The following VPS13D variants were observed in gnomAD, a reference collection of about 807,000 sequenced individuals.
VPS13D encodes the protein vacuolar protein sorting 13 homolog D.
A neutral mutation model predicts 461.9 loss-of-function variants in VPS13D; 187 were observed. The observed-to-expected ratio is 0.40, with a 90% CI of 0.36 to 0.46. The LOEUF (loss-of-function observed/expected upper bound fraction) is 0.46. Ranked by LOEUF, VPS13D falls within the 20% of genes least tolerant of loss-of-function variation. The pLI is 0.60. For missense variants in VPS13D, 4,711 were observed against 5,364.9 expected, an observed-to-expected ratio of 0.88 and a Z score of 3.81; for synonymous variants, 1,951 against 1,986.3, an observed-to-expected ratio of 0.98 and a Z score of 0.47.
At position 12,403,959 on chromosome 1, in the gene VPS13D, C is replaced by T; in HGVS notation, c.12016C>T (p.Pro4006Ser). Residue 4006 changes from proline (P) to serine (S), a missense_variant, in exon 63 of 70, where the codon CCA becomes TCA. Pro to Ser is a moderately conservative substitution (Grantham distance 74). Transcript: ENST00000620676. ...AAGTGTGTTCACCTCCAACAAGCTC[C>T]CATTGGATCTTAAGGTGAGCTGCTA... ...KLSVFTSNKLPLDLKALKSTL... is the reference protein window; with the variant it reads ...KLSVFTSNKLSLDLKALKSTL... 1 of 1,596,342 alleles carries T rather than the reference C, an allele frequency of 6.3e-7. No individual in the cohort carries two copies. The highest frequency in any genetic ancestry group is 1.2e-5 in the South Asian group (1 of 86,378).
chr1:12,361,404 T>TTTTA lies in VPS13D; in HGVS notation c.10142-1313_10142-1312insATTT, dbSNP rs1553183527. On this transcript the variant is annotated intron_variant, in intron 50 of 69. Transcript: ENST00000620676. ...ATTTATTTATTTATTTATTTATTTA[T>TTTTA]TTTTTTTTTGAGACGGAGTCTCGCT... Among the ~76,000 whole-genome samples, 883 of 127,458 alleles carry TTTTA rather than the reference T, an allele frequency of 6.9e-3. 22 individuals carry two copies. Among genetic ancestry groups the TTTTA allele is most frequent in the African/African-American group, 0.028 (835 of 29,536 alleles). The allele number at this position is 127,458 out of a possible 152,430, so 83.6% of individuals were successfully genotyped here. A position where few individuals can be genotyped will look rare whatever the true frequency, so the allele number is the denominator to read the frequency against.
At chr1:12,479,365 G>A (rs1207797752) in intron 67 of VPS13D, among the ~76,000 whole-genome samples, 1 of 152,228 alleles carries the variant, frequency 6.6e-6, no homozygotes, top group Non-Finnish European at 1.5e-5. Flanking sequence ...GAAGAAATCT[G>A]TGTCTGTCAC....
intron 32 of VPS13D, among the ~76,000 whole-genome samples, chr1:12,319,962 A>G (rs964238953): frequency 6.6e-6 from 1 of 152,238 alleles, no homozygotes; most frequent in African/African-American, 2.4e-5. Context: ...GACCTCGTCC[A>G]TGAAGGTGAG....
intron 26 of VPS13D, among the ~76,000 whole-genome samples, chr1:12,305,411 A>T (rs925490333): frequency 6.6e-6 from 1 of 151,992 alleles, no homozygotes; most frequent in African/African-American, 2.4e-5. Flanking sequence ...AGTAGCTGGG[A>T]CTACAGGCAT....
chr1:12,349,768 G>C (rs1643756166), intron 46 of VPS13D, among the ~76,000 whole-genome samples: 1 of 152,134 alleles, frequency 6.6e-6, no homozygotes. Context: ...AAAATAATTT[G>C]AAGGTTTATG....
intron 47 of VPS13D, 69 bp downstream of exon 47, chr1:12,354,290 T>C: frequency 6.4e-7 from 1 of 1,566,600 alleles, no homozygotes; most frequent in Non-Finnish European, 8.7e-7. Context: ...TTGTGATTAT[T>C]TATTTGGTAA....
In VPS13D at chr1:12,395,574, T is replaced by C. The variant is rs183682928; in HGVS notation, c.11635-4607T>C. ...AGCAGATTTGAGGCTCAGTATCTGC[T>C]TCTGAAGCTGGGAGACAGAATCCCT... On this transcript the variant is annotated intron_variant, in intron 60 of 69. Transcript: ENST00000620676. 1.6e-3 allele frequency among the ~76,000 whole-genome samples: 249 copies of C among 152,322 alleles called. 4 individuals are homozygous for C. The highest frequency in any genetic ancestry group is 5.8e-3 in the African/African-American group (241 of 41,568).
chr1:12,448,929 G>T (rs1018636962), intron 65 of VPS13D, among the ~76,000 whole-genome samples: 7 of 152,188 alleles, frequency 4.6e-5, no homozygotes, highest in African/African-American at 1.7e-4. Flanking sequence ...TGTGTCTTGG[G>T]TTAGTTAAGA....
intron 37 of VPS13D, 129 bp downstream of exon 37, chr1:12,330,047 C>T (rs1014733532): frequency 1.4e-6 from 1 of 691,430 alleles, no homozygotes; most frequent in South Asian, 1.9e-5. Flanking sequence ...AGATGAAAAG[C>T]AAGTAGACTG....
At chr1:12,403,497 T>A (rs1644607254) in intron 62 of VPS13D, among the ~76,000 whole-genome samples, 1 of 152,248 alleles carries the variant, frequency 6.6e-6, no homozygotes, top group Non-Finnish European at 1.5e-5. Context: ...TCTGGGTCAT[T>A]GATAATAACA....
At chr1:12,453,698 G>A (rs995152469) in intron 65 of VPS13D, 1 of 152,138 alleles carries the variant, frequency 6.6e-6, no homozygotes, top group Non-Finnish European at 1.5e-5. Context: ...TTGTGTATAC[G>A]ATTGTTACCT....
chr1:12,386,725 C>T (rs1327981892), intron 60 of VPS13D, among the ~76,000 whole-genome samples: 1 of 152,170 alleles, frequency 6.6e-6, no homozygotes, highest in East Asian at 1.9e-4. Context: ...TTTACCCTCC[C>T]ACCTGAAACA....
chr1:12,326,295 T>TA (rs201731866), intron 35 of VPS13D, among the ~76,000 whole-genome samples: 14 of 149,672 alleles, frequency 9.4e-5, no homozygotes, highest in Admixed American at 8.7e-4. Flanking sequence ...TTTTTTTTTT[T>TA]AATTAAAGTT....
At chr1:12,260,562 C>A in intron 10 of VPS13D, 131 bp from the exon 11 acceptor site, 3 of 689,860 alleles carry the variant, frequency 4.3e-6, no homozygotes, top group South Asian at 1.8e-5. Context: ...TGTTTCTTGG[C>A]CTTCAGTGGA....
intron 65 of VPS13D, among the ~76,000 whole-genome samples, chr1:12,444,187 C>T (rs867763384): frequency 1.3e-5 from 2 of 152,116 alleles, no homozygotes; most frequent in Non-Finnish European, 2.9e-5. Context: ...GATATTTTTA[C>T]TATGTTTATT....
At position 12,283,407 on chromosome 1, in the gene VPS13D, G is replaced by A. The variant is rs770953065; in HGVS notation, c.5305G>A (p.Asp1769Asn). Reference protein sequence around the residue: ...PLTPPPSPTVDEPKILVGKSK... With the variant: ...PLTPPPSPTVNEPKILVGKSK... ...GACCCCACCTCCTTCTCCAACAGTG[G>A]ATGAGCCCAAGATACTTGTTGGAAA... is the stretch of plus-strand genomic sequence containing the variant. The change falls in exon 21 of 70, where the codon GAT (aspartate) becomes AAT (asparagine). Residue 1769 changes from aspartate (D) to asparagine (N), a missense_variant. Asp to Asn is a conservative substitution (Grantham distance 23, BLOSUM62 1). Coordinates refer to ENST00000620676, the MANE Select transcript of VPS13D (RefSeq NM_015378.4). 2 of 1,614,176 alleles carry A rather than the reference G, an allele frequency of 1.2e-6. No individual in the cohort carries two copies. Among genetic ancestry groups the A allele is most frequent in the Admixed American group, 1.7e-5 (1 of 60,024 alleles).
At chr1:12,306,619 T>TG (rs1642572514) in intron 26 of VPS13D, among the ~76,000 whole-genome samples, 1 of 152,220 alleles carries the variant, frequency 6.6e-6, no homozygotes, top group Non-Finnish European at 1.5e-5. Flanking sequence ...TCACTATTAA[T>TG]GATACATTGT....
chr1:12,490,927 GT>G (rs1465322475), intron 67 of VPS13D, among the ~76,000 whole-genome samples: 1 of 152,206 alleles, frequency 6.6e-6, no homozygotes, highest in Admixed American at 6.5e-5. Context: ...ATACCAGAGG[GT>G]TTTTCACCAA....
At chr1:12,257,849 G>A (rs1345917762) in intron 9 of VPS13D, 86 bp from the exon 10 acceptor site, 1 of 1,473,772 alleles carries the variant, frequency 6.8e-7, no homozygotes, top group Non-Finnish European at 9.4e-7. Context: ...CAGGAGAGGA[G>A]TGGGGTTATG....
Sources: allele counts gnomAD v4.1 joint callset (sites outside exome capture counted in the v4.1 genomes callset), GRCh38; gene constraint gnomAD v4.1.1; transcripts MANE v1.5; gene names NCBI Gene and HGNC (gene_info 2026-07-23, HGNC 2026-07-21).